The following IFT122 variants were observed in gnomAD, a reference collection of about 807,000 sequenced individuals.
IFT122 encodes the protein intraflagellar transport protein 122 homolog.
IFT122 carries 118 observed loss-of-function variants against 161.6 expected under a neutral mutation model. That is an observed-to-expected ratio of 0.73 (90% CI 0.63 to 0.85). The LOEUF is 0.85. IFT122 is among the 40% of genes least tolerant of loss of function. IFT122 has a pLI of 0.00. For synonymous variants in IFT122, 550 were observed against 602.4 expected, an observed-to-expected ratio of 0.91 and a Z score of 1.27; for missense variants, 1,381 against 1,579.6, an observed-to-expected ratio of 0.87 and a Z score of 2.13.
At chr3:129,450,465 G>T (rs1371358170) in intron 2 of IFT122, among the ~76,000 whole-genome samples, 1 of 152,098 alleles carries the variant, frequency 6.6e-6, no homozygotes, top group African/African-American at 2.4e-5. Context: ...AAAAACCTTT[G>T]TATGATCTCT....
At chr3:129,463,707 GAGA>G (rs1350029451) in intron 6 of IFT122, 81 bp downstream of exon 6, 2 of 1,204,268 alleles carry the variant, frequency 1.7e-6, no homozygotes, top group Non-Finnish European at 2.5e-6. Flanking sequence ...TCATGCAGCA[GAGA>G]AGGTCTTGTG....
intron 9 of IFT122, among the ~76,000 whole-genome samples, chr3:129,472,611 G>A (rs1050626741): frequency 3.9e-5 from 6 of 152,024 alleles, no homozygotes; most frequent in Admixed American, 2.6e-4. Context: ...CATTGATATC[G>A]TTCTGTCTTT....
chr3:129,500,708 C>T (rs1283235068), intron 19 of IFT122, among the ~76,000 whole-genome samples: 4 of 152,140 alleles, frequency 2.6e-5, no homozygotes, highest in South Asian at 2.1e-4. Flanking sequence ...AGAAACACAG[C>T]GAGTTGGCTC....
chr3:129,491,612 C>G (rs755199514), intron 16 of IFT122, among the ~76,000 whole-genome samples: 2 of 152,166 alleles, frequency 1.3e-5, no homozygotes, highest in African/African-American at 2.4e-5. Context: ...CAGAATCTGT[C>G]TTTATACCCT....
In IFT122 at chr3:129,458,772, C is replaced by T. The variant is rs75111418; in HGVS notation, c.272+95C>T. Reference sequence around the variant, plus strand: ...AAAAGATGTAGGAGAAAACTTTTTTCTCTTAAATTGAACTTGAAATTAAGT... The same window carrying T: ...AAAAGATGTAGGAGAAAACTTTTTTTTCTTAAATTGAACTTGAAATTAAGT... On this transcript the variant is annotated intron_variant, in intron 4 of 29. Transcript: ENST00000348417. 231 of 936,740 alleles carry T rather than the reference C, an allele frequency of 2.5e-4. No homozygotes were observed. In the African/African-American group the frequency reaches 3.5e-3, roughly 14 times the overall value. The allele number at this position is 936,740 out of a possible 1,614,324, so 58.0% of individuals were successfully genotyped here. A position where few individuals can be genotyped will look rare whatever the true frequency, so the allele number is the denominator to read the frequency against.
chr3:129,464,528 GC>G, intron 6 of IFT122, 106 bp from the exon 7 acceptor site: 1 of 1,304,230 alleles, frequency 7.7e-7, no homozygotes, highest in Non-Finnish European at 1.1e-6. Flanking sequence ...CCCAGCTGTT[GC>G]TGCCTCATCA....
chr3:129,483,832 G>T, intron 15 of IFT122, 150 bp downstream of exon 15: 1 of 827,476 alleles, frequency 1.2e-6, no homozygotes. Flanking sequence ...CCTGGAACCT[G>T]CCGCCCTGTC....
chr3:129,476,249 A>G (rs997716116), intron 9 of IFT122, 66 bp from the exon 10 acceptor site: 1 of 1,570,488 alleles, frequency 6.4e-7, no homozygotes, highest in African/African-American at 1.4e-5. Context: ...AAAAGCCCTT[A>G]ATTGTATTGC....
intron 18 of IFT122, among the ~76,000 whole-genome samples, chr3:129,498,744 T>G (rs1435356521): frequency 6.6e-6 from 1 of 152,184 alleles, no homozygotes; most frequent in African/African-American, 2.4e-5. Flanking sequence ...AAAGGAGTGC[T>G]TTTTTTGTTC....
chr3:129,465,894 G>A lies in IFT122; in HGVS notation c.564-996G>A, dbSNP rs372346092. ...CCTGACCTCATGATCCACCCGCCTC[G>A]GCCTCCCAAAGTGCTGGGATTACAG... is the stretch of plus-strand genomic sequence containing the variant. On this transcript the variant is annotated intron_variant, in intron 7 of 29. Coordinates refer to ENST00000348417, the MANE Select transcript of IFT122 (RefSeq NM_052989.3). 2.1e-4 allele frequency among the ~76,000 whole-genome samples: 20 copies of A among 93,094 alleles called. 3 individuals are homozygous for A. In the East Asian group the frequency reaches 0.013, roughly 62 times the overall value. 61.1% of individuals were successfully genotyped at this position (93,094 alleles called of 152,430 possible). A position where few individuals can be genotyped will look rare whatever the true frequency, so the allele number is the denominator to read the frequency against.
intron 26 of IFT122, 56 bp downstream of exon 26, chr3:129,515,655 A>C: frequency 6.9e-7 from 1 of 1,454,866 alleles, no homozygotes; most frequent in Middle Eastern, 1.8e-4. Flanking sequence ...AGCCAGGCTC[A>C]CTCCACTGCT....
chr3:129,498,707 T>C (rs1036440810), intron 18 of IFT122, among the ~76,000 whole-genome samples: 33 of 152,232 alleles, frequency 2.2e-4, no homozygotes, highest in Non-Finnish European at 2.4e-4. Context: ...ACTGTACTTT[T>C]CTGACACATG....
In IFT122 at chr3:129,512,410, A is replaced by G. The variant is rs376737617; in HGVS notation, c.2985A>G (p.Lys995=). ...AGGACACCCCCTCGGGCATCTCTAAAGTGTATCCTTTCTCTTATCCCTCCT... is the reference window on the plus strand; with the variant it reads ...AGGACACCCCCTCGGGCATCTCTAAGGTGTATCCTTTCTCTTATCCCTCCT... ...LPKDTPSGIS[K]VKILFTLAKQ... The change falls in exon 24 of 30, where the codon AAA becomes AAG. Residue 995 remains lysine (K), a splice_region_variant and synonymous_variant. Coordinates refer to ENST00000348417, the MANE Select transcript of IFT122 (RefSeq NM_052989.3). The G allele has an allele frequency of 6.2e-7, 1 of 1,600,054 alleles. No homozygotes were observed. Among genetic ancestry groups the G allele is most frequent in the African/African-American group, 1.3e-5 (1 of 74,628 alleles).
chr3:129,507,766 A>G lies in IFT122; in HGVS notation c.2886+4A>G. 1.3e-5 allele frequency: 21 copies of G among 1,609,880 alleles called. No individual in the cohort carries two copies. The highest frequency in any genetic ancestry group is 1.8e-5 in the Non-Finnish European group (21 of 1,176,214). ...CCATGCCATCCATCGCCACACGGTA[A>G]GGTGGCTGGGTCACCAGCACCTGAG... On this transcript the variant is annotated splice_donor_region_variant and intron_variant, in intron 23 of 29. Coordinates refer to ENST00000348417, the MANE Select transcript of IFT122 (RefSeq NM_052989.3).
intron 16 of IFT122, among the ~76,000 whole-genome samples, chr3:129,489,418 A>G (rs982607443): frequency 1.4e-4 from 22 of 152,350 alleles, no homozygotes; most frequent in African/African-American, 4.8e-4. Context: ...GGGAATTTAA[A>G]TCAGGGATGG....
rs780007247 is a variant in IFT122, at chr3:129,519,572, G to T, written c.3476G>T (p.Gly1159Val). 6.2e-7 allele frequency: 1 copy of T among 1,613,290 alleles called. No individual in the cohort carries two copies. The part of the protein sequence containing the change: ...PFTAKLSFEQ[G>V]GSEFVPVVVS... ...TCCTTCCCGCCCACCCTGCAGCAAGGTGGCTCAGAGTTCGTGCCAGTGGTG... is the reference window on the plus strand; with the variant it reads ...TCCTTCCCGCCCACCCTGCAGCAAGTTGGCTCAGAGTTCGTGCCAGTGGTG... The change falls in exon 29 of 30, where the codon GGT (glycine) becomes GTT (valine). Residue 1159 changes from glycine (G) to valine (V), a missense_variant. Gly to Val is a moderately radical substitution (Grantham distance 109). Transcript: ENST00000348417.
intron 28 of IFT122, 100 bp from the exon 29 acceptor site, chr3:129,519,467 TC>T: frequency 1.3e-6 from 2 of 1,492,728 alleles, no homozygotes. Flanking sequence ...AGGAAGCAGG[TC>T]CTCTCTCACC....
intron 6 of IFT122, 29 bp from the exon 7 acceptor site, chr3:129,464,606 C>A: frequency 6.2e-7 from 1 of 1,614,084 alleles, no homozygotes; most frequent in Non-Finnish European, 8.5e-7. Flanking sequence ...TTCCCCTATC[C>A]CCATGCCTTT....
In IFT122 at chr3:129,520,338, T is replaced by A; in HGVS notation, c.*73T>A. 8.6e-7 allele frequency: 1 copy of A among 1,167,904 alleles called. No individual in the cohort carries two copies. The highest frequency in any genetic ancestry group is 1.2e-6 in the Non-Finnish European group (1 of 804,738). 72.3% of individuals were successfully genotyped at this position (1,167,904 alleles called of 1,614,324 possible). ...CTGGGCTGTGAAGGAGAATAAAGAG[T>A]TAAACTGTCAGAATGTGTTTCTTGC... is the stretch of plus-strand genomic sequence containing the variant. On this transcript the variant is annotated 3_prime_UTR_variant, in exon 30 of 30. Transcript: ENST00000348417.
Sources: gnomAD v4.1 joint callset for allele counts (sites outside exome capture counted in the v4.1 genomes callset) on GRCh38, gnomAD v4.1.1 for gene constraint, MANE v1.5 for transcripts, NCBI Gene and HGNC (gene_info 2026-07-23, HGNC 2026-07-21) for gene names.